The following RNGTT variants were observed in gnomAD, a reference collection of about 807,000 sequenced individuals.
RNGTT encodes mRNA-capping enzyme.
In RNGTT, 33 loss-of-function variants were observed where a neutral mutation model predicts 79.3. The ratio of observed to expected loss-of-function variants is 0.42; its 90% CI spans 0.32 to 0.56. The LOEUF is 0.56. Among genes scored for constraint, RNGTT ranks in the 20% least tolerant of loss-of-function variants. RNGTT has a pLI of 0.17. For synonymous variants in RNGTT, 222 were observed against 235.9 expected (o/e 0.94, Z 0.54); for missense variants, 497 against 739.1 (o/e 0.67, Z 3.80).
At chr6:88,830,591 G>GGAGA (rs200284944) in intron 11 of RNGTT, among the ~76,000 whole-genome samples, 3 of 151,158 alleles carry the variant, frequency 2.0e-5, no homozygotes, top group African/African-American at 7.3e-5. Context: ...CAGAACTGAA[G>GGAGA]GAGAGAGAGA....
At chr6:88,835,465 C>A (rs1781033141) in intron 11 of RNGTT, among the ~76,000 whole-genome samples, 1 of 152,036 alleles carries the variant, frequency 6.6e-6, no homozygotes, top group South Asian at 2.1e-4. Flanking sequence ...GAAGAGAATG[C>A]ATTATTATTT....
chr6:88,815,054 G>C (rs1405711343), intron 11 of RNGTT, among the ~76,000 whole-genome samples: 1 of 152,182 alleles, frequency 6.6e-6, no homozygotes, highest in Non-Finnish European at 1.5e-5. Flanking sequence ...GTCTAACAAT[G>C]TGACTCATGA....
intron 13 of RNGTT, among the ~76,000 whole-genome samples, chr6:88,704,328 A>C (rs1368410170): frequency 6.6e-6 from 1 of 151,042 alleles, no homozygotes; most frequent in Non-Finnish European, 1.5e-5. Context: ...GATTTGTTTA[A>C]ATTTTATGTA....
intron 13 of RNGTT, among the ~76,000 whole-genome samples, chr6:88,730,646 C>T (rs1401610167): frequency 6.6e-6 from 1 of 152,242 alleles, no homozygotes; most frequent in Non-Finnish European, 1.5e-5. Flanking sequence ...TCACCTCCTG[C>T]TGCGCAGCCC....
intron 11 of RNGTT, among the ~76,000 whole-genome samples, chr6:88,808,870 T>A (rs1410532533): frequency 6.6e-6 from 1 of 152,012 alleles, no homozygotes; most frequent in Non-Finnish European, 1.5e-5. Context: ...TGTGGGAGGA[T>A]AACTTGAGCC....
intron 4 of RNGTT, among the ~76,000 whole-genome samples, chr6:88,918,447 C>T (rs190888642): frequency 1.3e-5 from 2 of 151,738 alleles, no homozygotes; most frequent in African/African-American, 4.8e-5. Context: ...AGAGGGAATG[C>T]AAAACAGAAA....
intron 13 of RNGTT, among the ~76,000 whole-genome samples, chr6:88,712,742 G>A (rs910954545): frequency 2.0e-5 from 3 of 152,066 alleles, no homozygotes; most frequent in South Asian, 2.1e-4. Context: ...AACAGAAGCC[G>A]CTGACTGAAA....
chr6:88,727,671 T>G (rs1776965542), intron 13 of RNGTT, among the ~76,000 whole-genome samples: 1 of 152,158 alleles, frequency 6.6e-6, no homozygotes, highest in Non-Finnish European at 1.5e-5. Context: ...CAGGAAGCAT[T>G]GTCAAATATA....
At chr6:88,664,776 G>T (rs886219116) in intron 14 of RNGTT, among the ~76,000 whole-genome samples, 2 of 152,174 alleles carry the variant, frequency 1.3e-5, no homozygotes, top group African/African-American at 4.8e-5. Flanking sequence ...TTATTGGACC[G>T]AAGGGGACCA....
chr6:88,672,289 ATATACACATATATATAAATG>A (rs1403345902), intron 14 of RNGTT, among the ~76,000 whole-genome samples: 4 of 151,716 alleles, frequency 2.6e-5, no homozygotes, highest in Non-Finnish European at 4.4e-5. Flanking sequence ...ATACACATAT[ATATACACATATATATAAATG>A]TATACACATA....
At chr6:88,761,916 T>G (rs569605935) in intron 13 of RNGTT, among the ~76,000 whole-genome samples, 1 of 150,034 alleles carries the variant, frequency 6.7e-6, no homozygotes, top group South Asian at 2.3e-4. Flanking sequence ...TGGTCGTGTC[T>G]GTTTAAAGTA....
chr6:88,896,888 C>G (rs183165819), intron 6 of RNGTT, among the ~76,000 whole-genome samples: 1 of 152,244 alleles, frequency 6.6e-6, no homozygotes, highest in East Asian at 1.9e-4. Context: ...GTTGTACAAC[C>G]TTTACAATAG....
intron 12 of RNGTT, among the ~76,000 whole-genome samples, chr6:88,778,433 C>T (rs1439427796): frequency 6.6e-6 from 1 of 151,914 alleles, no homozygotes. Flanking sequence ...GTGTCCAATA[C>T]TAGTATTTTT....
intron 8 of RNGTT, among the ~76,000 whole-genome samples, chr6:88,883,048 G>T (rs1782740527): frequency 6.6e-6 from 1 of 151,600 alleles, no homozygotes; most frequent in Non-Finnish European, 1.5e-5. Flanking sequence ...ACATTCTTAA[G>T]ATTTCAGCTC....
At chr6:88,828,510 C>T (rs915785540) in intron 11 of RNGTT, among the ~76,000 whole-genome samples, 11 of 152,116 alleles carry the variant, frequency 7.2e-5, no homozygotes, top group African/African-American at 2.4e-4. Flanking sequence ...AACTCCTCAT[C>T]AGCAAGGGAA....
At chr6:88,622,046 A>G (rs1169122905) in intron 14 of RNGTT, among the ~76,000 whole-genome samples, 4 of 152,144 alleles carry the variant, frequency 2.6e-5, no homozygotes, top group Non-Finnish European at 5.9e-5. Flanking sequence ...CTTTTTCTGT[A>G]TATAAAACTA....
intron 13 of RNGTT, among the ~76,000 whole-genome samples, chr6:88,743,518 C>T (rs1014345557): frequency 6.6e-5 from 10 of 152,148 alleles, no homozygotes; most frequent in African/African-American, 2.2e-4. Flanking sequence ...CCCCTGGTGA[C>T]CACCATTCTA....
At chr6:88,915,092 G>A (rs1037095588) in intron 4 of RNGTT, among the ~76,000 whole-genome samples, 13 of 152,128 alleles carry the variant, frequency 8.5e-5, no homozygotes, top group African/African-American at 2.9e-4. Flanking sequence ...AGTCAGAATG[G>A]TTATTACTAA....
chr6:88,851,826 C>A (rs1410555241), intron 9 of RNGTT, among the ~76,000 whole-genome samples: 1 of 150,880 alleles, frequency 6.6e-6, no homozygotes, highest in Non-Finnish European at 1.5e-5. Flanking sequence ...TAATTCTAGC[C>A]CAAGTAAATT....
Sources: allele counts gnomAD v4.1 joint callset (sites outside exome capture counted in the v4.1 genomes callset), GRCh38; gene constraint gnomAD v4.1.1; transcripts MANE v1.5; gene names NCBI Gene and HGNC (gene_info 2026-07-23, HGNC 2026-07-21).